The following BPIFB3 variants were observed in gnomAD, a reference collection of about 807,000 sequenced individuals.
BPIFB3 encodes BPI fold-containing family B member 3.
A neutral mutation model predicts 53.1 loss-of-function variants in BPIFB3; 49 were observed. The observed-to-expected ratio is 0.92, with a 90% confidence interval of 0.73 to 1.17. The LOEUF is 1.17. Among genes scored for constraint, BPIFB3 ranks in the 50% most tolerant of loss-of-function variants. The probability of loss-of-function intolerance (pLI) is 0.00; values close to 1 mark genes in which losing one functional copy is unlikely to be tolerated. For missense variants in BPIFB3, 628 were observed against 592.5 expected (o/e 1.06, Z -0.62); for synonymous variants, 271 against 269.6 (o/e 1.01, Z -0.05).
At chr20:33,066,198 C>T (rs1980665323) in intron 8 of BPIFB3, among the ~76,000 whole-genome samples, 1 of 152,062 alleles carries the variant, frequency 6.6e-6, no homozygotes, top group Non-Finnish European at 1.5e-5. Context: ...CAGTTAGCAG[C>T]CTGATGGGAC....
chr20:33,072,826 G>A, intron 14 of BPIFB3, 33 bp downstream of exon 15: 2 of 1,551,782 alleles, frequency 1.3e-6, no homozygotes, highest in Non-Finnish European at 1.8e-6. Context: ...GCCCAGGTGG[G>A]CCTTAAGCTT....
chr20:33,061,864 C>A, intron 5 of BPIFB3, 33 bp downstream of exon 6: 1 of 1,609,692 alleles, frequency 6.2e-7, no homozygotes, highest in South Asian at 1.1e-5. Context: ...AGCATGCCCT[C>A]TCCCAGGACT....
intron 8 of BPIFB3, among the ~76,000 whole-genome samples, chr20:33,066,278 G>A (rs1457167176): frequency 6.6e-6 from 1 of 152,212 alleles, no homozygotes; most frequent in Non-Finnish European, 1.5e-5. Flanking sequence ...AGGGGAGGGG[G>A]TGCAGGCTCA....
intron 4 of BPIFB3, among the ~76,000 whole-genome samples, chr20:33,061,483 T>G (rs1980451803): frequency 6.6e-6 from 1 of 152,216 alleles, no homozygotes; most frequent in Admixed American, 6.5e-5. Flanking sequence ...GACAGACATT[T>G]GTCAAGCACA....
chr20:33,064,566 C>T lies in BPIFB3; in HGVS notation c.744+18C>T, dbSNP rs1250606365. 1.2e-6 allele frequency: 2 copies of T among 1,612,816 alleles called. No individual in the cohort carries two copies. The highest frequency in any genetic ancestry group is 1.7e-6 in the Non-Finnish European group (2 of 1,178,858). ...ACATCAACGTGAGTAACCAGAGGGG[C>T]CTCTCCTCCTGCTGGGGGTGGCTAG... is the stretch of plus-strand genomic sequence containing the variant. On this transcript the variant is annotated intron_variant, in intron 7 of 14. Transcript: ENST00000375494.
At chr20:33,059,654 A>G (rs2146382000) in intron 3 of BPIFB3, among the ~76,000 whole-genome samples, 172 bp downstream of exon 4, 1 of 149,570 alleles carries the variant, frequency 6.7e-6, no homozygotes, top group Non-Finnish European at 1.5e-5. Context: ...CCTGGATCCT[A>G]TGCCATTGCC....
At chr20:33,068,693 C>T (rs755520470) in intron 9 of BPIFB3, 110 bp from the exon 11 acceptor site, 31 of 1,144,804 alleles carry the variant, frequency 2.7e-5, no homozygotes, top group East Asian at 5.1e-5. Context: ...GCTGTAACCT[C>T]GTTGCCCAGC....
At chr20:33,065,876 G>A (rs1489832672) in intron 8 of BPIFB3, among the ~76,000 whole-genome samples, 1 of 152,178 alleles carries the variant, frequency 6.6e-6, no homozygotes, top group African/African-American at 2.4e-5. Flanking sequence ...AAGGCCTCTG[G>A]GAGGCTGGAA....
At position 33,072,182 on chromosome 20, in the gene BPIFB3, G is replaced by A; in HGVS notation, c.1324+15G>A. 1 of 1,613,910 alleles carries A rather than the reference G, an allele frequency of 6.2e-7. No individual in the cohort carries two copies. The highest frequency in any genetic ancestry group is 8.5e-7 in the Non-Finnish European group (1 of 1,179,786). On this transcript the variant is annotated intron_variant, in intron 13 of 14. Coordinates refer to ENST00000375494, the Ensembl canonical transcript of BPIFB3. Reference sequence around the variant, plus strand: ...AAAGCTTAACGGTATGGCAGGTTTTGCTCTCTTGGACACATGGAGTGTCTG... The same window carrying A: ...AAAGCTTAACGGTATGGCAGGTTTTACTCTCTTGGACACATGGAGTGTCTG...
exon 2 of BPIFB3, chr20:33,056,691 C>A (rs368603025): frequency 6.3e-7 from 1 of 1,597,998 alleles, no homozygotes; most frequent in South Asian, 1.1e-5. Context: ...TGTCGAGGAG[C>A]TCTCTGGGTG....
intron 5 of BPIFB3, among the ~76,000 whole-genome samples, chr20:33,062,672 G>A (rs1353829548): frequency 6.6e-6 from 1 of 152,214 alleles, no homozygotes; most frequent in African/African-American, 2.4e-5. Context: ...AGCATTCATT[G>A]CCAACATTCA....
chr20:33,055,372 AGG>A (rs1980145589), upstream of BPIFB3: 5 of 1,598,996 alleles, frequency 3.1e-6, no homozygotes, highest in Non-Finnish European at 4.3e-6. Flanking sequence ...GAGAGGGGAA[AGG>A]CTTGAGCAGG....
At position 33,060,040 on chromosome 20, in the gene BPIFB3, G is replaced by A. The variant is rs748326105; in HGVS notation, c.527+9G>A. ...ATCAGCCTGTTCTCAGGGTGAGTCT[G>A]CAGGTTCCAGCCTGCAACCCTGACC... On this transcript the variant is annotated intron_variant, in intron 4 of 14. Transcript: ENST00000375494. The A allele has an allele frequency of 1.2e-6, 2 of 1,613,116 alleles. No individual in the cohort carries two copies. The highest frequency in any genetic ancestry group is 1.3e-5 in the African/African-American group (1 of 75,046).
intron 13 of BPIFB3, 68 bp from the exon 15 acceptor site, chr20:33,072,649 C>T (rs1360629568): frequency 6.1e-5 from 83 of 1,362,904 alleles, no homozygotes; most frequent in East Asian, 2.3e-4. Flanking sequence ...CAGCAGGGTC[C>T]GAGGGTTCCT....
At chr20:33,071,587 A>G (rs970843874) in intron 12 of BPIFB3, among the ~76,000 whole-genome samples, 14 of 152,154 alleles carry the variant, frequency 9.2e-5, no homozygotes, top group Admixed American at 3.3e-4. Context: ...GAACCTCACA[A>G]GGGTCCATCA....
At chr20:33,063,198 C>G (rs2146385452) in intron 5 of BPIFB3, among the ~76,000 whole-genome samples, 1 of 152,260 alleles carries the variant, frequency 6.6e-6, no homozygotes, top group South Asian at 2.1e-4. Flanking sequence ...GAGGAGGTGC[C>G]CCTCTGTGGG....
At chr20:33,068,912 A>C (rs757342930) in exon 10 of BPIFB3, 1 of 1,613,982 alleles carries the variant, frequency 6.2e-7, no homozygotes, top group South Asian at 1.1e-5. Flanking sequence ...CTCCCAGCCA[A>C]CATCCATGTG....
chr20:33,069,786 C>A, intron 10 of BPIFB3, 102 bp from the exon 12 acceptor site: 9 of 1,139,038 alleles, frequency 7.9e-6, no homozygotes, highest in Non-Finnish European at 1.1e-5. Context: ...CACAGTAGGG[C>A]CTCAGTAAGG....
At chr20:33,065,225 C>T (rs2146387533) in intron 8 of BPIFB3, among the ~76,000 whole-genome samples, 1 of 152,296 alleles carries the variant, frequency 6.6e-6, no homozygotes, top group South Asian at 2.1e-4. Flanking sequence ...CCACTGCTTT[C>T]TCAAGAGCAG....
Sources: gnomAD v4.1 joint callset for allele counts (sites outside exome capture counted in the v4.1 genomes callset) on GRCh38, gnomAD v4.1.1 for gene constraint, MANE v1.5 for transcripts, NCBI Gene and HGNC (gene_info 2026-07-23, HGNC 2026-07-21) for gene names.